The following FRA10AC1 variants were observed in gnomAD, a reference collection of about 807,000 sequenced individuals.
FRA10AC1 encodes the protein protein FRA10AC1.
In FRA10AC1, 43 loss-of-function variants were observed where a neutral mutation model predicts 56.5. The observed-to-expected ratio is 0.76, with a 90% CI of 0.60 to 0.98. The LOEUF is 0.98. Ranked by LOEUF, FRA10AC1 falls within the 50% of genes least tolerant of loss-of-function variation. The pLI, the probability that FRA10AC1 is intolerant of heterozygous loss-of-function variation, is 0.00. For missense variants in FRA10AC1, 346 were observed against 351.8 expected (o/e 0.98, Z 0.13); for synonymous variants, 112 against 110.5 (o/e 1.01, Z -0.09).
intron 12 of FRA10AC1, chr10:93,675,660 G>A (rs758518457): frequency 3.2e-5 from 12 of 371,778 alleles, no homozygotes; most frequent in South Asian, 9.5e-5. Context: ...AGCTGAGATC[G>A]CGCCACTGCA....
At chr10:93,685,526 A>C in intron 8 of FRA10AC1, 167 bp from the exon 9 acceptor site, 1 of 443,976 alleles carries the variant, frequency 2.3e-6, no homozygotes, top group Non-Finnish European at 3.9e-6. Context: ...CAAGTATCAA[A>C]TCAAAGTACT....
At chr10:93,697,791 G>A (rs1222140673) in intron 4 of FRA10AC1, among the ~76,000 whole-genome samples, 3 of 152,024 alleles carry the variant, frequency 2.0e-5, no homozygotes, top group African/African-American at 4.8e-5. Flanking sequence ...AAAGAACCAG[G>A]TAGGAAGAGA....
chr10:93,696,302 A>AT (rs1317599950), intron 4 of FRA10AC1, among the ~76,000 whole-genome samples: 2 of 152,214 alleles, frequency 1.3e-5, no homozygotes, highest in African/African-American at 4.8e-5. Context: ...GGACTAAAAA[A>AT]TCGTCAACAA....
intron 11 of FRA10AC1, among the ~76,000 whole-genome samples, chr10:93,677,516 T>C (rs1265020049): frequency 6.6e-6 from 1 of 152,066 alleles, no homozygotes; most frequent in African/African-American, 2.4e-5. Flanking sequence ...GGTCCATAGG[T>C]AAAAAAGACG....
chr10:93,670,219 C>G (rs17486669), intron 13 of FRA10AC1, among the ~76,000 whole-genome samples: 4,464 of 151,924 alleles, frequency 0.029, 88 homozygotes, highest in Middle Eastern at 0.055. Flanking sequence ...ATAGTCTGCT[C>G]AAGAAGTGAA....
At chr10:93,684,163 T>G in intron 9 of FRA10AC1, 65 bp from the exon 10 acceptor site, 1 of 1,196,580 alleles carries the variant, frequency 8.4e-7, no homozygotes, top group Non-Finnish European at 1.2e-6. Context: ...CTACTTTTAA[T>G]ATCATAAATT....
At chr10:93,671,040 ATCTCAGC>A in intron 12 of FRA10AC1, 192 bp from the exon 13 acceptor site, 1 of 481,846 alleles carries the variant, frequency 2.1e-6, no homozygotes, top group Non-Finnish European at 3.7e-6. Flanking sequence ...TTACCAAAGA[ATCTCAGC>A]AAAAAGGCCA....
At chr10:93,695,963 A>G (rs1174380393) in intron 4 of FRA10AC1, among the ~76,000 whole-genome samples, 1 of 152,202 alleles carries the variant, frequency 6.6e-6, no homozygotes, top group African/African-American at 2.4e-5. Context: ...AAAGCAGCCA[A>G]AGACAACATA....
At chr10:93,701,006 A>G (rs1054479993) in intron 1 of FRA10AC1, among the ~76,000 whole-genome samples, 1 of 150,206 alleles carries the variant, frequency 6.7e-6, no homozygotes, top group Non-Finnish European at 1.5e-5. Flanking sequence ...ACTTAAAAAA[A>G]TTTTTTTTTT....
intron 1 of FRA10AC1, among the ~76,000 whole-genome samples, chr10:93,700,753 A>C (rs1009783639): frequency 6.6e-6 from 1 of 152,208 alleles, no homozygotes. Context: ...CAATATATGT[A>C]GAGATTTCCA....
chr10:93,696,746 C>A (rs1052651104), intron 4 of FRA10AC1, among the ~76,000 whole-genome samples: 1 of 152,186 alleles, frequency 6.6e-6, no homozygotes, highest in African/African-American at 2.4e-5. Flanking sequence ...AAATGTGGTA[C>A]ATATACACCA....
chr10:93,675,948 C>T (rs1255236783), intron 12 of FRA10AC1, among the ~76,000 whole-genome samples: 1 of 152,168 alleles, frequency 6.6e-6, no homozygotes. Context: ...AGACTCTTCT[C>T]TCAAAACTGC....
rs899815966 is a variant in FRA10AC1, at chr10:93,700,121, A to G, written c.1-15T>C. On this transcript the variant is annotated splice_polypyrimidine_tract_variant and intron_variant, in intron 1 of 13. Transcript: ENST00000359204. ...TGACCATGCATCTGTAAAGGAGTACAAAGTCAGCTATTTAGAATCTATGTT... is the reference window on the plus strand; with the variant it reads ...TGACCATGCATCTGTAAAGGAGTACGAAGTCAGCTATTTAGAATCTATGTT... The G allele has an allele frequency of 2.0e-5, 30 of 1,468,152 alleles. 1 individual carries two copies. Among genetic ancestry groups the G allele is most frequent in the South Asian group, 1.3e-4 (11 of 84,538 alleles). 90.9% of individuals were successfully genotyped at this position (1,468,152 alleles called of 1,614,324 possible).
At chr10:93,702,603 G>C (rs1408734894), upstream of FRA10AC1, 1 of 214,726 alleles carries the variant, frequency 4.7e-6, no homozygotes, top group Non-Finnish European at 9.3e-6. Context: ...GGTCCGACAC[G>C]GCCACGTGTT....
intron 7 of FRA10AC1, among the ~76,000 whole-genome samples, chr10:93,690,240 C>G (rs1209405680): frequency 2.6e-5 from 4 of 152,058 alleles, no homozygotes; most frequent in African/African-American, 9.7e-5. Context: ...TATCTTCCCC[C>G]CACAAAAAAA....
intron 7 of FRA10AC1, among the ~76,000 whole-genome samples, chr10:93,688,892 CTT>C (rs2059076198): frequency 6.6e-6 from 1 of 152,110 alleles, no homozygotes; most frequent in Admixed American, 6.6e-5. Flanking sequence ...TCAAGAAGCT[CTT>C]GTCACTCATT....
rs199889909 is a variant in FRA10AC1 at position 93,694,863 on chromosome 10, C to T, written c.294G>A (p.Leu98=). 377 of 1,577,416 alleles carry T rather than the reference C, an allele frequency of 2.4e-4. 5 individuals are homozygous for T. In the South Asian group the frequency reaches 3.9e-3, roughly 16 times the overall value. Residue 98 remains leucine (L), a splice_region_variant and synonymous_variant, in exon 5 of 14, where the codon TTG becomes TTA. Coordinates refer to ENST00000359204, the MANE Select transcript of FRA10AC1 (RefSeq NM_145246.5). The part of the protein sequence containing the change: ...YGGKKEDFKR[L]GENDKTDLDV... ...TATGTAAACTTCCTGATACTTACCC[C>T]AAACGCTTGAAGTCTTCTTTTTTGC...
intron 7 of FRA10AC1, among the ~76,000 whole-genome samples, chr10:93,689,863 CTT>C (rs952018314): frequency 6.6e-6 from 1 of 152,144 alleles, no homozygotes; most frequent in Non-Finnish European, 1.5e-5. Flanking sequence ...AGGATTCTGA[CTT>C]TATGACCATC....
intron 7 of FRA10AC1, among the ~76,000 whole-genome samples, chr10:93,690,338 T>C (rs920522015): frequency 1.3e-5 from 2 of 152,238 alleles, no homozygotes; most frequent in Non-Finnish European, 2.9e-5. Context: ...TACTCTCATG[T>C]ACAATCACTC....
Sources: gnomAD v4.1 joint callset for allele counts (sites outside exome capture counted in the v4.1 genomes callset) on GRCh38, gnomAD v4.1.1 for gene constraint, MANE v1.5 for transcripts, NCBI Gene and HGNC (gene_info 2026-07-23, HGNC 2026-07-21) for gene names.